The following SEPTIN9 variants were observed in gnomAD, a reference collection of about 807,000 sequenced individuals.
SEPTIN9 encodes septin-9.
Under a neutral mutation model 56.6 loss-of-function variants are expected in SEPTIN9, and 13 were observed. That is an observed-to-expected ratio of 0.23 (90% CI 0.15 to 0.37). The LOEUF is 0.37. SEPTIN9 is among the 10% of genes least tolerant of loss of function. The pLI, the probability that SEPTIN9 is intolerant of heterozygous loss-of-function variation, is 1.00. For missense variants in SEPTIN9, 650 were observed against 823.1 expected (o/e 0.79, Z 2.57); for synonymous variants, 332 against 334.1 (o/e 0.99, Z 0.07).
chr17:77,458,126 C>T (rs1031614091), intron 3 of SEPTIN9, among the ~76,000 whole-genome samples: 1 of 152,198 alleles, frequency 6.6e-6, no homozygotes, highest in African/African-American at 2.4e-5. Flanking sequence ...TTCCTGCTCG[C>T]CAGGAATGTT....
At chr17:77,396,230 C>T (rs553218685) in intron 2 of SEPTIN9, among the ~76,000 whole-genome samples, 2 of 152,306 alleles carry the variant, frequency 1.3e-5, no homozygotes, top group South Asian at 4.1e-4. Context: ...ACACTGTGCA[C>T]GGTCCACAGT....
intron 3 of SEPTIN9, among the ~76,000 whole-genome samples, chr17:77,440,698 G>A (rs913079701): frequency 1.2e-4 from 19 of 152,258 alleles, no homozygotes; most frequent in Admixed American, 2.0e-4. Flanking sequence ...TCCGCTGGGC[G>A]CCCGCACAGT....
At chr17:77,337,542 C>G (rs1344620699) in intron 2 of SEPTIN9, among the ~76,000 whole-genome samples, 1 of 152,030 alleles carries the variant, frequency 6.6e-6, no homozygotes, top group Non-Finnish European at 1.5e-5. Context: ...GTTCCCTTCT[C>G]TTTGTTTTCT....
At chr17:77,490,958 G>A in intron 8 of SEPTIN9, 99 bp downstream of exon 8, 1 of 966,742 alleles carries the variant, frequency 1.0e-6, no homozygotes. Context: ...ACACTGTCAG[G>A]GAGACCGAAC....
At chr17:77,491,127 G>C (rs2040008115) in intron 8 of SEPTIN9, among the ~76,000 whole-genome samples, 1 of 152,176 alleles carries the variant, frequency 6.6e-6, no homozygotes. Context: ...GGGGGTTTTG[G>C]AGAAGACCTG....
intron 1 of SEPTIN9, among the ~76,000 whole-genome samples, chr17:77,300,550 G>T (rs946067161): frequency 6.6e-6 from 1 of 152,170 alleles, no homozygotes; most frequent in African/African-American, 2.4e-5. Flanking sequence ...TTGGAGATAA[G>T]CTTGAGTATT....
chr17:77,426,996 G>C (rs2036939465), intron 3 of SEPTIN9: 1 of 152,226 alleles, frequency 6.6e-6, no homozygotes, highest in Non-Finnish European at 1.5e-5. Flanking sequence ...TTAGATTAGA[G>C]GGCAAAGGCC....
chr17:77,474,522 T>C lies in SEPTIN9; in HGVS notation c.722-7622T>C, dbSNP rs1017926290. On this transcript the variant is annotated intron_variant, in intron 3 of 11. Transcript: ENST00000427177. ...TCTCCTGGCAGTTCAGGGCTCTGCC[T>C]CCAGCTCCCTGGGGGAGAGCAACTG... Among the ~76,000 whole-genome samples, 3 of 152,224 alleles carry C rather than the reference T, an allele frequency of 2.0e-5. No homozygotes were observed. The South Asian group carries it at 6.2e-4, about 32-fold the overall frequency.
chr17:77,421,625 A>G lies in SEPTIN9; in HGVS notation c.721+18922A>G, dbSNP rs531545936. Among the ~76,000 whole-genome samples, 29 of 152,292 alleles carry G rather than the reference A, an allele frequency of 1.9e-4. 1 individual carries two copies. Among genetic ancestry groups the G allele is most frequent in the African/African-American group, 6.3e-4 (26 of 41,550 alleles). On this transcript the variant is annotated intron_variant, in intron 3 of 11. Coordinates refer to ENST00000427177, the MANE Select transcript of SEPTIN9 (RefSeq NM_001113491.2). This position sits in a 1 kb window ranked among gnomAD's most constrained non-coding sequence, Gnocchi z 4.6. ...CGTGTACAGGGATGGCTTTTGGGCC[A>G]TTCACCTGAGGTTTATTGATCTTTC...
intron 2 of SEPTIN9, among the ~76,000 whole-genome samples, chr17:77,399,928 G>A (rs990148429): frequency 1.3e-5 from 2 of 152,160 alleles, no homozygotes; most frequent in Non-Finnish European, 2.9e-5. Flanking sequence ...ACCCATAGGC[G>A]AATACAGCCT....
rs545489429 is a variant in SEPTIN9, at chr17:77,436,439, C to G, written c.721+33736C>G. Reference sequence around the variant, plus strand: ...GATTCATTACTGGGATTTGGCAAAGCAAAGAGCCTCACTTTCTCCCCGCAG... The same window carrying G: ...GATTCATTACTGGGATTTGGCAAAGGAAAGAGCCTCACTTTCTCCCCGCAG... On this transcript the variant is annotated intron_variant, in intron 3 of 11. Transcript: ENST00000427177. The surrounding 1 kb of genome is among the most constrained non-coding windows in gnomAD (Gnocchi z 4.4). 6.6e-6 allele frequency among the ~76,000 whole-genome samples: 1 copy of G among 152,102 alleles called. No homozygotes were observed. Among genetic ancestry groups the G allele is most frequent in the Admixed American group, 6.5e-5 (1 of 15,298 alleles).
rs1009795181 is a variant in SEPTIN9, at chr17:77,323,700, C to T, written c.76+16503C>T. The T allele has an allele frequency of 1.3e-5, 2 of 152,656 alleles. No homozygotes were observed. The highest frequency in any genetic ancestry group is 4.8e-5 in the African/African-American group (2 of 41,462). 9.5% of individuals were successfully genotyped at this position (152,656 alleles called of 1,614,324 possible). ...CTCAGCCCTCACCCCTCCCTCCTGT[C>T]CCTCGCTGTGCTGTCCCCGATGGCC... is the stretch of plus-strand genomic sequence containing the variant. On this transcript the variant is annotated intron_variant, in intron 2 of 11. Transcript: ENST00000427177. This position sits in a 1 kb window ranked among gnomAD's most constrained non-coding sequence, Gnocchi z 6.8.
intron 2 of SEPTIN9, among the ~76,000 whole-genome samples, chr17:77,316,253 C>G (rs760874025): frequency 6.6e-6 from 1 of 152,150 alleles, no homozygotes; most frequent in Non-Finnish European, 1.5e-5. Flanking sequence ...GGTTGGCCCT[C>G]GCCTCCCCCA....
chr17:77,406,939 A>C (rs979693214), intron 3 of SEPTIN9, among the ~76,000 whole-genome samples: 1 of 151,830 alleles, frequency 6.6e-6, no homozygotes, highest in Admixed American at 6.6e-5. Context: ...TGACCTCCCA[A>C]AGTGCTGGGA....
At chr17:77,308,270 A>G (rs2032349139) in intron 2 of SEPTIN9, among the ~76,000 whole-genome samples, 4 of 152,216 alleles carry the variant, frequency 2.6e-5, no homozygotes, top group African/African-American at 9.7e-5. Flanking sequence ...CAAAGTTACC[A>G]AAGGACACGG....
At chr17:77,331,029 G>A (rs1355282623) in intron 2 of SEPTIN9, among the ~76,000 whole-genome samples, 5 of 152,184 alleles carry the variant, frequency 3.3e-5, no homozygotes, top group African/African-American at 1.2e-4. Context: ...GCTCACAGAG[G>A]GATGGGTATT....
At chr17:77,322,140 T>A (rs913363549) in intron 2 of SEPTIN9, among the ~76,000 whole-genome samples, 1 of 152,214 alleles carries the variant, frequency 6.6e-6, no homozygotes, top group Non-Finnish European at 1.5e-5. Context: ...GAGGCCCAGA[T>A]GGGTGACCAG....
intron 3 of SEPTIN9, among the ~76,000 whole-genome samples, chr17:77,410,834 G>T (rs192630587): frequency 6.6e-6 from 1 of 152,100 alleles, no homozygotes; most frequent in African/African-American, 2.4e-5. Context: ...GTGTCGCCCC[G>T]TGTCTCTCTC....
At chr17:77,496,465 C>T (rs62077404) in intron 10 of SEPTIN9, 56,210 of 152,114 alleles carry the variant, frequency 0.37, 11,983 homozygotes, top group East Asian at 0.82. Context: ...TCCCCACCTC[C>T]AGTGATGCCG....
Sources: allele counts gnomAD v4.1 joint callset (sites outside exome capture counted in the v4.1 genomes callset), GRCh38; gene constraint gnomAD v4.1.1; non-coding constraint Gnocchi (gnomAD v3.1); transcripts MANE v1.5; gene names NCBI Gene and HGNC (gene_info 2026-07-23, HGNC 2026-07-21).